CREB5: variants seen among roughly 807,000 people sequenced by gnomAD.
The protein encoded by CREB5 is cyclic AMP-responsive element-binding protein 5.
Under a neutral mutation model 57.1 loss-of-function variants are expected in CREB5, and 19 were observed. The observed-to-expected ratio is 0.33, with a 90% CI of 0.23 to 0.49. The LOEUF (loss-of-function observed/expected upper bound fraction) is 0.49. Ranked by LOEUF, CREB5 falls within the 20% of genes least tolerant of loss-of-function variation. The pLI, the probability that CREB5 is intolerant of heterozygous loss-of-function variation, is 0.99. For missense variants in CREB5, 579 were observed against 671.6 expected (o/e 0.86, Z 1.52); for synonymous variants, 238 against 238.3 (o/e 1.00, Z 0.01).
chr7:28,421,524 T>G (rs1372769125), intron 1 of CREB5, among the ~76,000 whole-genome samples: 1 of 151,974 alleles, frequency 6.6e-6, no homozygotes, highest in Non-Finnish European at 1.5e-5. Flanking sequence ...CTTTTGCACT[T>G]TGGGATAATG....
At chr7:28,779,039 T>C (rs1483774916) in intron 7 of CREB5, 1 of 152,190 alleles carries the variant, frequency 6.6e-6, no homozygotes, top group Non-Finnish European at 1.5e-5. Flanking sequence ...GAAAATCCCA[T>C]GCGTCCATTT....
chr7:28,699,579 T>G lies in CREB5; in HGVS notation c.465-19174T>G, dbSNP rs185157856. ...AGGGAAGATAGTGCATAACAGTGAT[T>G]GTTAAAATCTACCCGCTGACTCCCA... On this transcript the variant is annotated intron_variant, in intron 5 of 10. Transcript: ENST00000357727. 1.7e-3 allele frequency among the ~76,000 whole-genome samples: 262 copies of G among 152,304 alleles called. 1 individual carries two copies. The highest frequency in any genetic ancestry group is 5.8e-3 in the African/African-American group (239 of 41,562).
intron 5 of CREB5, among the ~76,000 whole-genome samples, chr7:28,650,183 A>C (rs1330821865): frequency 1.3e-5 from 2 of 152,216 alleles, no homozygotes. Context: ...AGAATAGAGA[A>C]ATGGAAAGGG....
chr7:28,687,218 C>T (rs1041281304), intron 5 of CREB5, among the ~76,000 whole-genome samples: 3 of 152,052 alleles, frequency 2.0e-5, no homozygotes, highest in Admixed American at 6.6e-5. Context: ...TGTTGTTCCA[C>T]GTGCTAATTA....
chr7:28,702,330 A>G (rs1801903376), intron 5 of CREB5, among the ~76,000 whole-genome samples: 1 of 152,258 alleles, frequency 6.6e-6, no homozygotes, highest in South Asian at 2.1e-4. Context: ...TGAATGTTTC[A>G]GTATTACCCG....
At chr7:28,481,509 G>C (rs1383779458) in intron 1 of CREB5, among the ~76,000 whole-genome samples, 1 of 152,086 alleles carries the variant, frequency 6.6e-6, no homozygotes, top group African/African-American at 2.4e-5. Context: ...CCCCACTCTT[G>C]GTCTTGTTCC....
At chr7:28,729,154 C>G (rs1458226635) in intron 7 of CREB5, among the ~76,000 whole-genome samples, 1 of 152,184 alleles carries the variant, frequency 6.6e-6, no homozygotes, top group Non-Finnish European at 1.5e-5. Flanking sequence ...ATGAGAAAGA[C>G]AAGGCATCTT....
intron 7 of CREB5, among the ~76,000 whole-genome samples, chr7:28,735,073 T>C (rs917263226): frequency 1.3e-5 from 2 of 152,218 alleles, no homozygotes; most frequent in African/African-American, 2.4e-5. Context: ...TCTCTAAGAC[T>C]AAATGCATGA....
intron 7 of CREB5, among the ~76,000 whole-genome samples, chr7:28,746,780 C>G (rs998754323): frequency 6.6e-6 from 1 of 152,230 alleles, no homozygotes; most frequent in African/African-American, 2.4e-5. Context: ...AATAAGCACA[C>G]TCCCACTGGG....
At chr7:28,429,810 T>C (rs1440800606) in intron 1 of CREB5, among the ~76,000 whole-genome samples, 2 of 152,226 alleles carry the variant, frequency 1.3e-5, no homozygotes, top group Non-Finnish European at 1.5e-5. Flanking sequence ...ACAAGGCCTA[T>C]TACTTTCTAG....
chr7:28,587,221 T>C (rs1300495991), intron 5 of CREB5, among the ~76,000 whole-genome samples: 1 of 152,208 alleles, frequency 6.6e-6, no homozygotes, highest in African/African-American at 2.4e-5. Context: ...GAAAGGAAAG[T>C]AGTATTAGAG....
intron 1 of CREB5, among the ~76,000 whole-genome samples, chr7:28,333,359 T>C (rs1785751477): frequency 6.6e-6 from 1 of 152,226 alleles, no homozygotes; most frequent in Non-Finnish European, 1.5e-5. Flanking sequence ...GTAAATGGCA[T>C]ATCCATCAAC....
intron 1 of CREB5, among the ~76,000 whole-genome samples, chr7:28,470,471 T>C (rs755102650): frequency 6.6e-6 from 1 of 152,228 alleles, no homozygotes; most frequent in African/African-American, 2.4e-5. Context: ...TGTCCATTCA[T>C]CTGTTGATGG....
At chr7:28,637,524 A>T (rs1798471725) in intron 5 of CREB5, among the ~76,000 whole-genome samples, 1 of 152,298 alleles carries the variant, frequency 6.6e-6, no homozygotes, top group East Asian at 1.9e-4. Context: ...GTTTGAATAG[A>T]GGGGCAGAAG....
At chr7:28,735,179 T>C (rs553860728) in intron 7 of CREB5, among the ~76,000 whole-genome samples, 69 of 152,276 alleles carry the variant, frequency 4.5e-4, no homozygotes, top group African/African-American at 1.6e-3. Flanking sequence ...AAGCAGTGTT[T>C]AGAGGTTTGT....
At chr7:28,729,024 G>A (rs2128750906) in intron 7 of CREB5, among the ~76,000 whole-genome samples, 1 of 152,186 alleles carries the variant, frequency 6.6e-6, no homozygotes, top group East Asian at 1.9e-4. Flanking sequence ...CATTGTGTTG[G>A]ACTGGTCATG....
intron 1 of CREB5, among the ~76,000 whole-genome samples, chr7:28,328,661 G>A (rs1345866652): frequency 1.3e-5 from 2 of 152,176 alleles, no homozygotes; most frequent in Admixed American, 6.5e-5. Flanking sequence ...TATATGTATA[G>A]CCATATACCG....
chr7:28,541,338 C>A (rs112912454), intron 4 of CREB5, among the ~76,000 whole-genome samples: 1 of 151,954 alleles, frequency 6.6e-6, no homozygotes, highest in African/African-American at 2.4e-5. Context: ...AGAAAGAATG[C>A]GCAGAACCCA....
intron 4 of CREB5, among the ~76,000 whole-genome samples, chr7:28,545,654 C>T (rs1486645290): frequency 6.6e-6 from 1 of 152,170 alleles, no homozygotes; most frequent in African/African-American, 2.4e-5. Context: ...TTTCAAACCT[C>T]AGGTACAGAG....
Sources: allele counts gnomAD v4.1 joint callset (sites outside exome capture counted in the v4.1 genomes callset), GRCh38; gene constraint gnomAD v4.1.1; transcripts MANE v1.5; gene names NCBI Gene and HGNC (gene_info 2026-07-23, HGNC 2026-07-21).